MYH10: variants seen among roughly 807,000 people sequenced by gnomAD.
MYH10 encodes myosin heavy chain 10.
MYH10 carries 55 observed loss-of-function variants against 257.8 expected under a neutral mutation model. The ratio of observed to expected loss-of-function variants is 0.21; its 90% CI spans 0.17 to 0.27. The LOEUF is 0.27. MYH10 is among the 10% of genes least tolerant of loss of function. The probability of loss-of-function intolerance (pLI) is 1.00; values close to 1 mark genes in which losing one functional copy is unlikely to be tolerated. For synonymous variants in MYH10, 854 were observed against 921.7 expected, an observed-to-expected ratio of 0.93 and a Z score of 1.33; for missense variants, 1,631 against 2,500.6, an observed-to-expected ratio of 0.65 and a Z score of 7.42.
intron 1 of MYH10, among the ~76,000 whole-genome samples, chr17:8,629,996 C>T (rs559913626): frequency 3.9e-5 from 6 of 152,142 alleles, no homozygotes; most frequent in Admixed American, 3.3e-4. Flanking sequence ...TCCTGTCCCT[C>T]CACCCACGGG....
At chr17:8,487,312 G>GCC in intron 36 of MYH10, 121 bp downstream of exon 36, 1 of 1,183,996 alleles carries the variant, frequency 8.4e-7, no homozygotes, top group Non-Finnish European at 1.2e-6. Context: ...ATGGCCTGCT[G>GCC]CCCCACCCCC....
At position 8,492,891 on chromosome 17, in the gene MYH10, T is replaced by C; in HGVS notation, c.4343A>G (p.Lys1448Arg). The C allele has an allele frequency of 1.2e-6, 2 of 1,614,070 alleles. No homozygotes were observed. Among genetic ancestry groups the C allele is most frequent in the Middle Eastern group, 1.6e-4 (1 of 6,062 alleles). The change falls in exon 33 of 43, where the codon AAA (lysine) becomes AGA (arginine). Residue 1448 changes from lysine (K) to arginine (R), a missense_variant. Lys to Arg is a conservative substitution (Grantham distance 26). Around this residue, in one of 11 missense-constraint regions of MYH10, gnomAD observed 463 missense variants for 621.8 expected, o/e 0.74. Transcript: ENST00000360416. Reference sequence around the variant, plus strand: ...CAGGCGGTTCTTGGTCTTCTCCAGTTTGTCATACGCCAGTGCCTTCTCCTC... The same window carrying C: ...CAGGCGGTTCTTGGTCTTCTCCAGTCTGTCATACGCCAGTGCCTTCTCCTC... The part of the protein sequence containing the change: ...RLEEKALAYD[K>R]LEKTKNRLQQ...
rs1262642082 is a variant in MYH10, at chr17:8,552,018, TA to T, written c.919+27del. The stretch of plus-strand genomic sequence containing the variant: ...ATTAAAAGAGATATTCCAGTGAATA[TA>T]AAATAGTAAAAACCTTTGTAACTTA... On this transcript the variant is annotated intron_variant, in intron 9 of 42. Transcript: ENST00000360416. The surrounding 1 kb of genome is among the most constrained non-coding windows in gnomAD (Gnocchi z 4.8). 1.6e-6 allele frequency: 2 copies of T among 1,276,246 alleles called. No individual in the cohort carries two copies. The highest frequency in any genetic ancestry group is 2.5e-5 in the East Asian group (1 of 39,636). 79.1% of individuals were successfully genotyped at this position (1,276,246 alleles called of 1,614,324 possible).
intron 21 of MYH10, among the ~76,000 whole-genome samples, chr17:8,515,533 CTTTTTTTTTTTTTTTTT>C (rs562174128): frequency 5.8e-5 from 5 of 86,876 alleles, no homozygotes; most frequent in African/African-American, 1.4e-4. Flanking sequence ...TTAGCCAAGT[CTTTTTTTTTTTTTTTTT>C]TTTTTTTTTT....
intron 3 of MYH10, among the ~76,000 whole-genome samples, chr17:8,595,851 G>A (rs1415610551): frequency 6.6e-6 from 1 of 152,126 alleles, no homozygotes; most frequent in African/African-American, 2.4e-5. Flanking sequence ...TCAATACAAA[G>A]ATCCAAGACA....
chr17:8,504,142 T>C lies in MYH10; in HGVS notation c.3599+552A>G, dbSNP rs2080997536. ...TGTTCACCTATGCTCGTCACTTTTT[T>C]CATGCCCGCCCTGGCTGCTGGCTCA... On this transcript the variant is annotated intron_variant, in intron 28 of 42. Coordinates refer to ENST00000360416, the MANE Select transcript of MYH10 (RefSeq NM_001256012.3). The surrounding 1 kb of genome is among the most constrained non-coding windows in gnomAD (Gnocchi z 5.6). Among the ~76,000 whole-genome samples the C allele has an allele frequency of 6.6e-6, 1 of 152,206 alleles. No homozygotes were observed. Among genetic ancestry groups the C allele is most frequent in the Admixed American group, 6.5e-5 (1 of 15,288 alleles).
chr17:8,597,977 A>C (rs2084443725), intron 3 of MYH10, among the ~76,000 whole-genome samples: 1 of 151,900 alleles, frequency 6.6e-6, no homozygotes, highest in Non-Finnish European at 1.5e-5. Flanking sequence ...CCTAGTCCTT[A>C]AGATTTGGTT....
At chr17:8,629,569 C>T (rs1598021343) in intron 1 of MYH10, among the ~76,000 whole-genome samples, 1 of 152,142 alleles carries the variant, frequency 6.6e-6, no homozygotes, top group East Asian at 1.9e-4. Context: ...ACCACAGGCC[C>T]ACAAAGCCCC....
chr17:8,545,713 C>T lies in MYH10; in HGVS notation c.1279-113G>A. 1 of 974,730 alleles carries T rather than the reference C, an allele frequency of 1.0e-6. No individual in the cohort carries two copies. Among genetic ancestry groups the T allele is most frequent in the South Asian group, 1.7e-5 (1 of 59,098 alleles). The allele number at this position is 974,730 out of a possible 1,614,324, so 60.4% of individuals were successfully genotyped here. A position where few individuals can be genotyped will look rare whatever the true frequency, so the allele number is the denominator to read the frequency against. On this transcript the variant is annotated intron_variant, in intron 12 of 42. Transcript: ENST00000360416. The surrounding 1 kb of genome is among the most constrained non-coding windows in gnomAD (Gnocchi z 4.7). ...CACTCAAAAAACCTGAGATGGCATT[C>T]ACTGCTTAATCATGTCTCAATTTTA...
intron 2 of MYH10, among the ~76,000 whole-genome samples, chr17:8,621,750 T>C (rs770618355): frequency 2.6e-5 from 4 of 152,180 alleles, no homozygotes; most frequent in Non-Finnish European, 5.9e-5. Flanking sequence ...AGGTCATGAA[T>C]GAATCATTCT....
intron 2 of MYH10, among the ~76,000 whole-genome samples, chr17:8,605,572 TGTCTCTACTAAAAATACAAAA>T (rs2084765436): frequency 6.6e-6 from 1 of 152,002 alleles, no homozygotes; most frequent in Non-Finnish European, 1.5e-5. Flanking sequence ...GGTGAAACCC[TGTCTCTACTAAAAATACAAAA>T]ATTAGCCGGG....
At chr17:8,557,367 G>A (rs991059015) in intron 7 of MYH10, among the ~76,000 whole-genome samples, 1 of 152,086 alleles carries the variant, frequency 6.6e-6, no homozygotes, top group Non-Finnish European at 1.5e-5. Context: ...GGGAGTGTGG[G>A]GGAAGAGCCC....
chr17:8,482,190 T>TA (rs1165636073), intron 37 of MYH10, among the ~76,000 whole-genome samples: 1 of 152,174 alleles, frequency 6.6e-6, no homozygotes, highest in Non-Finnish European at 1.5e-5. Context: ...AGTCCCAAGG[T>TA]TAGTCAGCAG....
intron 14 of MYH10, among the ~76,000 whole-genome samples, chr17:8,541,018 T>G (rs370274526): frequency 6.6e-6 from 1 of 152,232 alleles, no homozygotes; most frequent in African/African-American, 2.4e-5. Context: ...TTCTTATGTA[T>G]TATAAAAGCC....
chr17:8,541,947 T>C (rs1328566219), intron 14 of MYH10, 160 bp downstream of exon 14: 2 of 673,078 alleles, frequency 3.0e-6, no homozygotes, highest in African/African-American at 3.6e-5. Context: ...GACTTTTAAA[T>C]TCTGTAGCTA....
In MYH10 at chr17:8,530,700, C is replaced by T; in HGVS notation, c.1895-15G>A. The T allele has an allele frequency of 6.5e-7, 1 of 1,539,448 alleles. No homozygotes were observed. ...ATTCTGAATCTCTAAAGCAGAGAAA[C>T]AGCAAAAACAGGACAGAAGAGCAAA... On this transcript the variant is annotated splice_polypyrimidine_tract_variant and intron_variant, in intron 16 of 42. Coordinates refer to ENST00000360416, the MANE Select transcript of MYH10 (RefSeq NM_001256012.3).
At chr17:8,605,303 T>G (rs567168621) in intron 2 of MYH10, among the ~76,000 whole-genome samples, 1 of 152,370 alleles carries the variant, frequency 6.6e-6, no homozygotes, top group East Asian at 1.9e-4. Context: ...TTTTTTACAT[T>G]CATTCTCTCA....
At chr17:8,500,743 T>A (rs1255318455) in intron 29 of MYH10, 83 bp downstream of exon 29, 3 of 1,512,832 alleles carry the variant, frequency 2.0e-6, no homozygotes, top group Non-Finnish European at 2.7e-6. Context: ...AATACATGAC[T>A]GAACAGAACG....
intron 4 of MYH10, among the ~76,000 whole-genome samples, chr17:8,584,620 C>T (rs1442236242): frequency 6.6e-6 from 1 of 152,138 alleles, no homozygotes; most frequent in African/African-American, 2.4e-5. Context: ...CAGTCTAGAG[C>T]ACACTTAACA....
Sources: gnomAD v4.1 joint callset for allele counts (sites outside exome capture counted in the v4.1 genomes callset) on GRCh38, gnomAD v4.1.1 for gene constraint, gnomAD v4.1.1 regional missense constraint, Gnocchi (gnomAD v3.1) non-coding constraint, MANE v1.5 for transcripts, NCBI Gene and HGNC (gene_info 2026-07-23, HGNC 2026-07-21) for gene names.